The following WWOX variants were observed in gnomAD, a reference collection of about 807,000 sequenced individuals.
The protein encoded by WWOX is WW domain containing oxidoreductase, also known as WW domain-containing oxidoreductase.
A neutral mutation model predicts 46.2 loss-of-function variants in WWOX; 69 were observed. That is an observed-to-expected ratio of 1.49 (90% CI 1.23 to 1.82). The LOEUF (loss-of-function observed/expected upper bound fraction) is 1.82. Among genes scored for constraint, WWOX ranks in the 40% most tolerant of loss-of-function variants. The pLI is 0.00. For missense variants in WWOX, 919 were observed against 542.6 expected (o/e 1.69, Z -6.89); for synonymous variants, 359 against 202.6 (o/e 1.77, Z -6.56).
chr16:78,618,255 C>T lies in WWOX; in HGVS notation c.1056+185503C>T, dbSNP rs80090552. Among the ~76,000 whole-genome samples the T allele has an allele frequency of 7.7e-3, 1,177 of 152,338 alleles. 21 individuals carry two copies. The highest frequency in any genetic ancestry group is 0.027 in the African/African-American group (1,131 of 41,590). On this transcript the variant is annotated intron_variant, in intron 8 of 8. Coordinates refer to ENST00000566780, the MANE Select transcript of WWOX (RefSeq NM_016373.4). ...AATGGAAAAGCACTGACGCAGTTCT[C>T]ACTCTGGAGCTTGTTTTATTTTGCT...
intron 5 of WWOX, among the ~76,000 whole-genome samples, chr16:78,342,242 G>A (rs77670290): frequency 0.017 from 2,032 of 121,260 alleles, 485 homozygotes; most frequent in African/African-American, 0.054. Flanking sequence ...CAGCTGCTAC[G>A]ACAAACAACT....
chr16:78,382,775 C>G (rs979649980), intron 5 of WWOX, among the ~76,000 whole-genome samples: 1 of 152,048 alleles, frequency 6.6e-6, no homozygotes, highest in Non-Finnish European at 1.5e-5. Flanking sequence ...AATACATACA[C>G]ATGATAAAAT....
At chr16:78,658,654 C>G in intron 8 of WWOX, among the ~76,000 whole-genome samples, 1 of 152,168 alleles carries the variant, frequency 6.6e-6, no homozygotes, top group Non-Finnish European at 1.5e-5. Flanking sequence ...CCGCCTCCGC[C>G]TTCACATGGC....
intron 5 of WWOX, among the ~76,000 whole-genome samples, chr16:78,235,358 A>G (rs1289502184): frequency 6.6e-6 from 1 of 152,068 alleles, no homozygotes; most frequent in Non-Finnish European, 1.5e-5. Context: ...GAGGGAAACA[A>G]GCCTGCCAGG....
At chr16:78,607,303 C>G (rs1055693537) in intron 8 of WWOX, among the ~76,000 whole-genome samples, 2 of 151,932 alleles carry the variant, frequency 1.3e-5, no homozygotes, top group African/African-American at 4.8e-5. Flanking sequence ...TTGTAAGAAT[C>G]GGGGCTCCTG....
chr16:79,023,454 T>C (rs2047575402), intron 8 of WWOX, among the ~76,000 whole-genome samples: 1 of 152,264 alleles, frequency 6.6e-6, no homozygotes, highest in South Asian at 2.1e-4. Context: ...AGACTGGGGA[T>C]GTTCATCACA....
chr16:78,565,092 G>T (rs2044532661), intron 8 of WWOX, among the ~76,000 whole-genome samples: 1 of 152,198 alleles, frequency 6.6e-6, no homozygotes, highest in Non-Finnish European at 1.5e-5. Flanking sequence ...ACCTCAGTTT[G>T]TCCATTCATT....
chr16:78,883,929 A>G (rs1219584988), intron 8 of WWOX, among the ~76,000 whole-genome samples: 1 of 152,152 alleles, frequency 6.6e-6, no homozygotes, highest in African/African-American at 2.4e-5. Context: ...TGGTATAACC[A>G]TTTTGGAAGA....
Position 78,958,797 on chromosome 16 carries a change from T to C in WWOX, c.1057-252811T>C, listed in dbSNP as rs542860120. ...GATAGTTTAATCTGAAAATAGGACATGGTTGGGGTAGTGGGCACAGGGGAA... is the reference window on the plus strand; with the variant it reads ...GATAGTTTAATCTGAAAATAGGACACGGTTGGGGTAGTGGGCACAGGGGAA... On this transcript the variant is annotated intron_variant, in intron 8 of 8. Transcript: ENST00000566780. 1.1e-4 allele frequency among the ~76,000 whole-genome samples: 16 copies of C among 152,288 alleles called. 1 individual carries two copies. In the Middle Eastern group the frequency reaches 0.01, roughly 97 times the overall value.
At position 78,115,051 on chromosome 16, in the gene WWOX, C is replaced by A; in HGVS notation, c.306C>A (p.Thr102=). 1 of 1,614,162 alleles carries A rather than the reference C, an allele frequency of 6.2e-7. No homozygotes were observed. The highest frequency in any genetic ancestry group is 8.5e-7 in the Non-Finnish European group (1 of 1,180,036). Residue 102 remains threonine, a synonymous_variant, in exon 4 of 9, where the codon ACC becomes ACA. Coordinates refer to ENST00000566780, the MANE Select transcript of WWOX (RefSeq NM_016373.4). ...FTVDDNPTKP[T]TRQRYDGSTT... ...TGGATGATAATCCGACCAAGCCAACCACCCGGCAAAGATACGACGGCAGCA... is the reference window on the plus strand; with the variant it reads ...TGGATGATAATCCGACCAAGCCAACAACCCGGCAAAGATACGACGGCAGCA...
chr16:79,054,061 C>T (rs988128305), intron 8 of WWOX, among the ~76,000 whole-genome samples: 1 of 151,930 alleles, frequency 6.6e-6, no homozygotes, highest in Non-Finnish European at 1.5e-5. Context: ...TAATTGATAC[C>T]TGCTCTCTGA....
At chr16:78,634,831 AGAGAGAGTGT>A (rs1248933159) in intron 8 of WWOX, among the ~76,000 whole-genome samples, 1 of 111,274 alleles carries the variant, frequency 9.0e-6, no homozygotes, top group Non-Finnish European at 1.9e-5. Flanking sequence ...AGAGAGAGAG[AGAGAGAGTGT>A]GTGTGTGTGT....
intron 6 of WWOX, among the ~76,000 whole-genome samples, chr16:78,416,139 AC>A (rs1359901640): frequency 2.0e-5 from 3 of 152,206 alleles, no homozygotes; most frequent in African/African-American, 7.2e-5. Context: ...TAAAATGCTG[AC>A]TAGTAACATC....
intron 8 of WWOX, among the ~76,000 whole-genome samples, chr16:78,664,010 G>A (rs2047274893): frequency 6.6e-6 from 1 of 152,192 alleles, no homozygotes; most frequent in South Asian, 2.1e-4. Context: ...TCACTATTGG[G>A]AGGTGGTAAG....
At chr16:78,310,237 AC>A (rs1643131394) in intron 5 of WWOX, among the ~76,000 whole-genome samples, 1 of 152,142 alleles carries the variant, frequency 6.6e-6, no homozygotes, top group Non-Finnish European at 1.5e-5. Context: ...TGCTACACAC[AC>A]AACCCACTGA....
chr16:78,811,613 C>G (rs2051191134), intron 8 of WWOX, among the ~76,000 whole-genome samples: 2 of 152,104 alleles, frequency 1.3e-5, no homozygotes, highest in South Asian at 4.2e-4. Context: ...TCAGGTGATC[C>G]ACCTGCCTCA....
At chr16:78,309,027 CA>C (rs1431269842) in intron 5 of WWOX, among the ~76,000 whole-genome samples, 2 of 152,182 alleles carry the variant, frequency 1.3e-5, no homozygotes, top group African/African-American at 2.4e-5. Context: ...CACCCAAAAT[CA>C]GTCCTTTCTA....
At chr16:78,541,830 C>T (rs1264847077) in intron 8 of WWOX, among the ~76,000 whole-genome samples, 3 of 152,032 alleles carry the variant, frequency 2.0e-5, no homozygotes, top group Non-Finnish European at 4.4e-5. Context: ...TAGCTTTTTA[C>T]TGTTTCTGGT....
intron 8 of WWOX, among the ~76,000 whole-genome samples, chr16:79,041,310 G>C (rs1402203731): frequency 2.6e-5 from 4 of 152,068 alleles, no homozygotes; most frequent in Admixed American, 2.0e-4. Context: ...TTGTCCCCCA[G>C]CCTCTGTGTG....
Sources: allele counts gnomAD v4.1 joint callset (sites outside exome capture counted in the v4.1 genomes callset), GRCh38; gene constraint gnomAD v4.1.1; transcripts MANE v1.5; gene names NCBI Gene and HGNC (gene_info 2026-07-23, HGNC 2026-07-21).